UVRAG: variants seen among roughly 807,000 people sequenced by gnomAD.
UVRAG encodes the protein UV radiation resistance-associated gene protein.
In UVRAG, 19 loss-of-function variants were observed where a neutral mutation model predicts 78.0. The ratio of observed to expected loss-of-function variants is 0.24; its 90% CI spans 0.17 to 0.36. The LOEUF is 0.36. Ranked by LOEUF, UVRAG falls within the 10% of genes least tolerant of loss-of-function variation. The probability of loss-of-function intolerance (pLI) is 1.00; values close to 1 mark genes in which losing one functional copy is unlikely to be tolerated. For synonymous variants in UVRAG, 323 were observed against 324.6 expected (o/e 1.00, Z 0.05); for missense variants, 740 against 853.8 (o/e 0.87, Z 1.66).
intron 8 of UVRAG, 110 bp from the exon 9 acceptor site, chr11:76,003,895 C>G (rs1591120463): frequency 9.8e-7 from 1 of 1,022,046 alleles, no homozygotes; most frequent in Non-Finnish European, 1.5e-6. Context: ...CCCACTTTCC[C>G]TAACTCTTTT....
intron 6 of UVRAG, among the ~76,000 whole-genome samples, chr11:75,950,988 A>G (rs528398128): frequency 3.8e-4 from 58 of 151,866 alleles, no homozygotes; most frequent in African/African-American, 1.4e-3. Context: ...ACACACACAC[A>G]CACACACACA....
At chr11:76,033,754 C>G (rs1431812339) in intron 12 of UVRAG, among the ~76,000 whole-genome samples, 1 of 152,082 alleles carries the variant, frequency 6.6e-6, no homozygotes, top group East Asian at 1.9e-4. Context: ...CTCAGCCTCA[C>G]TAATAATCAG....
At chr11:76,041,663 A>T (rs1207422713) in intron 12 of UVRAG, among the ~76,000 whole-genome samples, 1 of 152,196 alleles carries the variant, frequency 6.6e-6, no homozygotes, top group Non-Finnish European at 1.5e-5. Context: ...AATCTTACCC[A>T]AATTTATCTT....
At chr11:76,049,648 C>T (rs1433126006) in intron 12 of UVRAG, among the ~76,000 whole-genome samples, 1 of 152,190 alleles carries the variant, frequency 6.6e-6, no homozygotes, top group African/African-American at 2.4e-5. Context: ...TTGGAAGTAG[C>T]TCCGCCACTT....
rs564957456 is a variant in UVRAG at position 75,857,111 on chromosome 11, G to A, written c.236-4635G>A. ...ATCTTTTAACTACATTGTTGAAGTA[G>A]ACGTTTAACAGGTTTGTCTGCTCAT... On this transcript the variant is annotated intron_variant, in intron 2 of 14. Transcript: ENST00000356136. Among the ~76,000 whole-genome samples the A allele has an allele frequency of 2.0e-5, 3 of 152,310 alleles. No homozygotes were observed. The East Asian group carries it at 5.8e-4, about 29-fold the overall frequency.
chr11:76,137,664 C>A, intron 14 of UVRAG: 1 of 354,520 alleles, frequency 2.8e-6, no homozygotes, highest in Non-Finnish European at 5.5e-6. Context: ...TTTGGGAGGC[C>A]AAGGCAAGAG....
chr11:75,952,905 A>G (rs1948730257), intron 6 of UVRAG, among the ~76,000 whole-genome samples: 2 of 152,046 alleles, frequency 1.3e-5, no homozygotes, highest in Non-Finnish European at 2.9e-5. Context: ...ATGTGAGAAA[A>G]TTTTTAATTG....
At chr11:76,021,336 T>C (rs1022046960) in intron 12 of UVRAG, among the ~76,000 whole-genome samples, 11 of 152,210 alleles carry the variant, frequency 7.2e-5, no homozygotes, top group Non-Finnish European at 1.2e-4. Context: ...TGTTTTCTTA[T>C]AATCCTTTTC....
At chr11:76,005,259 C>T (rs578227431) in intron 9 of UVRAG, among the ~76,000 whole-genome samples, 29 of 152,198 alleles carry the variant, frequency 1.9e-4, no homozygotes, top group African/African-American at 6.5e-4. Flanking sequence ...AGGAGAATGG[C>T]GTGAGCCCGG....
At chr11:75,821,237 G>T (rs1446728915) in intron 1 of UVRAG, among the ~76,000 whole-genome samples, 4 of 152,170 alleles carry the variant, frequency 2.6e-5, no homozygotes, top group Non-Finnish European at 5.9e-5. Context: ...CATCCATGTT[G>T]CAGGGTATGT....
chr11:76,027,739 C>G (rs1049276995), intron 12 of UVRAG, among the ~76,000 whole-genome samples: 4 of 152,096 alleles, frequency 2.6e-5, no homozygotes, highest in Admixed American at 6.6e-5. Flanking sequence ...AGTTTTTATT[C>G]TGTGTGCTAG....
At chr11:75,926,028 T>C (rs952796910) in intron 6 of UVRAG, among the ~76,000 whole-genome samples, 10 of 151,898 alleles carry the variant, frequency 6.6e-5, no homozygotes, top group African/African-American at 1.2e-4. Context: ...CCCTTAGTCT[T>C]CCCAGTAAAA....
chr11:75,996,539 A>G (rs904918049), intron 8 of UVRAG, among the ~76,000 whole-genome samples: 3 of 152,182 alleles, frequency 2.0e-5, no homozygotes, highest in Admixed American at 6.5e-5. Context: ...CACTGAGCCT[A>G]GAAGAATATA....
rs148619009 is a variant in UVRAG, at chr11:76,108,478, A to G, written c.1306-7446A>G. Among the ~76,000 whole-genome samples, 872 of 152,298 alleles carry G rather than the reference A, an allele frequency of 5.7e-3. 6 individuals are homozygous for G. The highest frequency in any genetic ancestry group is 0.02 in the African/African-American group (828 of 41,568). On this transcript the variant is annotated intron_variant, in intron 13 of 14. Transcript: ENST00000356136. ...CTCATCAATGGAGCAACATTTATCA[A>G]GCTGCATGAACTAGTTAATTCCAAC... is the stretch of plus-strand genomic sequence containing the variant.
At chr11:75,966,316 C>G (rs1949021935) in intron 7 of UVRAG, among the ~76,000 whole-genome samples, 2 of 151,988 alleles carry the variant, frequency 1.3e-5, no homozygotes, top group African/African-American at 4.8e-5. Flanking sequence ...GAATTTTGCA[C>G]TTGTATTTAT....
intron 7 of UVRAG, among the ~76,000 whole-genome samples, chr11:75,961,986 C>G (rs951479419): frequency 6.6e-6 from 1 of 152,052 alleles, no homozygotes; most frequent in African/African-American, 2.4e-5. Flanking sequence ...ATTAAGGAGG[C>G]ATTTCCAAAG....
At chr11:76,053,498 T>C (rs1950913980) in intron 12 of UVRAG, among the ~76,000 whole-genome samples, 1 of 152,286 alleles carries the variant, frequency 6.6e-6, no homozygotes, top group South Asian at 2.1e-4. Flanking sequence ...CAAAATTCTT[T>C]CAGTTCTTCC....
chr11:75,918,784 A>C (rs1002513135), intron 6 of UVRAG, among the ~76,000 whole-genome samples: 1 of 152,206 alleles, frequency 6.6e-6, no homozygotes, highest in African/African-American at 2.4e-5. Context: ...TCAGGTTACT[A>C]GAGGACTAAA....
At chr11:75,913,532 T>A (rs542431540) in intron 6 of UVRAG, among the ~76,000 whole-genome samples, 1 of 152,334 alleles carries the variant, frequency 6.6e-6, no homozygotes, top group South Asian at 2.1e-4. Context: ...TGTAACAAAT[T>A]TGTGTAATTT....
Sources: gnomAD v4.1 joint callset for allele counts (sites outside exome capture counted in the v4.1 genomes callset) on GRCh38, gnomAD v4.1.1 for gene constraint, MANE v1.5 for transcripts, NCBI Gene and HGNC (gene_info 2026-07-23, HGNC 2026-07-21) for gene names.